Variants in SYNJ2 observed in about 807,000 individuals in gnomAD.
SYNJ2 encodes polyphosphatidylinositol phosphatase SYNJ2.
A neutral mutation model predicts 141.3 loss-of-function variants in SYNJ2; 116 were observed. The ratio of observed to expected loss-of-function variants is 0.82; its 90% CI spans 0.71 to 0.96. The LOEUF (loss-of-function observed/expected upper bound fraction) is 0.96, where lower values mean the gene tolerates loss of function less well. SYNJ2 is among the 40% of genes least tolerant of loss of function. The pLI is 0.00. For synonymous variants in SYNJ2, 745 were observed against 777.7 expected (o/e 0.96, Z 0.70); for missense variants, 1,873 against 1,934.8 (o/e 0.97, Z 0.60).
At chr6:158,029,066 C>A (rs1779218063) in intron 3 of SYNJ2, 40 bp downstream of exon 3, 2 of 1,605,298 alleles carry the variant, frequency 1.2e-6, no homozygotes, top group Non-Finnish European at 1.7e-6. Flanking sequence ...GGCCCTGGGT[C>A]TCCTGCAGAG....
rs745930251 is a variant in SYNJ2 at position 158,095,812 on chromosome 6, T to C, written c.3939T>C (p.Pro1313=). The C allele has an allele frequency of 6.2e-7, 1 of 1,614,076 alleles. No individual in the cohort carries two copies. Among genetic ancestry groups the C allele is most frequent in the Non-Finnish European group, 8.5e-7 (1 of 1,179,992 alleles). ...AGCCAGCATCAGACGAAGCCCCTCCTGGGGCAGGAGCCTCTGTGCCACCAC... is the reference window on the plus strand; with the variant it reads ...AGCCAGCATCAGACGAAGCCCCTCCCGGGGCAGGAGCCTCTGTGCCACCAC... ...HRKPASDEAP[P]GAGASVPPPL... Residue 1313 remains proline, a synonymous_variant, in exon 27 of 27, where the codon CCT becomes CCC. Transcript: ENST00000355585.
In SYNJ2 at chr6:158,088,696, C is replaced by T. The variant is rs745333200; in HGVS notation, c.3380C>T (p.Ser1127Phe). 5 of 1,614,072 alleles carry T rather than the reference C, an allele frequency of 3.1e-6. No individual in the cohort carries two copies. The highest frequency in any genetic ancestry group is 1.3e-5 in the African/African-American group (1 of 75,026). ...LMVKKSASDA[S>F]ISSGTHGQYS... is the part of the protein sequence containing the mutation. ...GTGAAAAAGTCGGCTTCAGATGCGTCCATCTCCTCCGGCACCCATGGACAG... is the reference window on the plus strand; with the variant it reads ...GTGAAAAAGTCGGCTTCAGATGCGTTCATCTCCTCCGGCACCCATGGACAG... The change falls in exon 24 of 27, where the codon TCC (serine) becomes TTC (phenylalanine). Residue 1127 changes from serine (S) to phenylalanine (F), a missense_variant. Physicochemically the swap from Ser to Phe is radical, Grantham distance 155 (BLOSUM62 -2). Coordinates refer to ENST00000355585, the MANE Select transcript of SYNJ2 (RefSeq NM_003898.4).
In SYNJ2 at chr6:158,028,762, C is replaced by T. The variant is rs773902545; in HGVS notation, c.221C>T (p.Thr74Met). The change falls in exon 3 of 27, where the codon ACG becomes ATG. Residue 74 changes from threonine to methionine, a missense_variant. Transcript: ENST00000355585. ...TGTCTGATTTCCTTTCCAGGTGGCACGTCTCTGAGCTTCCTGGTGTTGGTG... is the reference window on the plus strand; with the variant it reads ...TGTCTGATTTCCTTTCCAGGTGGCATGTCTCTGAGCTTCCTGGTGTTGGTG... ...LGELRLKSGG[T>M]SLSFLVLVTG... 1.9e-5 allele frequency: 30 copies of T among 1,613,666 alleles called. No individual in the cohort carries two copies. Among genetic ancestry groups the T allele is most frequent in the Admixed American group, 1.0e-4 (6 of 60,012 alleles).
At chr6:158,017,365 C>A in intron 2 of SYNJ2, 75 bp downstream of exon 2, 1 of 1,452,802 alleles carries the variant, frequency 6.9e-7, no homozygotes, top group Non-Finnish European at 9.1e-7. Context: ...GAAGGGGCCT[C>A]AGTGCAGGCA....
At position 158,095,877 on chromosome 6, in the gene SYNJ2, G is replaced by A. The variant is rs1468738115; in HGVS notation, c.4004G>A (p.Arg1335Lys). The change falls in exon 27 of 27, where the codon AGG (arginine) becomes AAG (lysine). Residue 1335 changes from arginine (R) to lysine (K), a missense_variant. Arg to Lys is a conservative substitution (Grantham distance 26). Transcript: ENST00000355585. ...CCTCTTGTGCCCAAGGTACCCCCGAGGAGGAAGAAGTCAGCCCCCGCAGCC... is the reference window on the plus strand; with the variant it reads ...CCTCTTGTGCCCAAGGTACCCCCGAAGAGGAAGAAGTCAGCCCCCGCAGCC... ...APPLVPKVPP[R>K]RKKSAPAAFH... 1 of 1,614,116 alleles carries A rather than the reference G, an allele frequency of 6.2e-7. No individual in the cohort carries two copies. Among genetic ancestry groups the A allele is most frequent in the Admixed American group, 1.7e-5 (1 of 60,028 alleles).
At chr6:158,026,019 G>T (rs1476388543) in intron 2 of SYNJ2, among the ~76,000 whole-genome samples, 1 of 140,962 alleles carries the variant, frequency 7.1e-6, no homozygotes, top group Non-Finnish European at 1.6e-5. Flanking sequence ...ATACATACAG[G>T]GTACAGCAAA....
chr6:158,052,331 GTTA>G (rs756091696), intron 5 of SYNJ2, among the ~76,000 whole-genome samples: 33 of 152,170 alleles, frequency 2.2e-4, no homozygotes, highest in Non-Finnish European at 4.7e-4. Context: ...TGCCACACAC[GTTA>G]TTATTTTTTG....
In SYNJ2 at chr6:158,017,305, G is replaced by A. The variant is rs764896252; in HGVS notation, c.214+15G>A. ...GCTGAAATCTGGTGAGTAGCCGCTC[G>A]CTGGAGGAGCAGGCGCCAGGCTCCC... is the stretch of plus-strand genomic sequence containing the variant. On this transcript the variant is annotated intron_variant, in intron 2 of 26. Transcript: ENST00000355585. 159 of 1,606,340 alleles carry A rather than the reference G, an allele frequency of 9.9e-5. 2 individuals carry two copies. The East Asian group carries it at 3.1e-3, about 31-fold the overall frequency.
chr6:158,000,655 C>T lies in SYNJ2; in HGVS notation c.128-16549C>T, dbSNP rs144196719. Reference sequence around the variant, plus strand: ...TTTTAGTAAGTTGATCAACTCTCCCCGCCGACCCCCTAGCCTTCTGGAACT... The same window carrying T: ...TTTTAGTAAGTTGATCAACTCTCCCTGCCGACCCCCTAGCCTTCTGGAACT... On this transcript the variant is annotated intron_variant, in intron 1 of 26. Transcript: ENST00000355585. Among the ~76,000 whole-genome samples the T allele has an allele frequency of 2.9e-3, 436 of 152,206 alleles. 2 individuals carry two copies. The highest frequency in any genetic ancestry group is 3.5e-3 in the Non-Finnish European group (236 of 68,000).
At chr6:158,035,556 A>T (rs1779593411) in intron 4 of SYNJ2, among the ~76,000 whole-genome samples, 1 of 152,184 alleles carries the variant, frequency 6.6e-6, no homozygotes, top group Non-Finnish European at 1.5e-5. Flanking sequence ...TTTTGGGCTG[A>T]GACTGTGGTG....
chr6:158,037,924 C>G (rs926155500), intron 4 of SYNJ2, among the ~76,000 whole-genome samples: 1 of 152,256 alleles, frequency 6.6e-6, no homozygotes, highest in Non-Finnish European at 1.5e-5. Context: ...TACAGACCAA[C>G]AAGCCCTACC....
Position 158,065,210 on chromosome 6 carries a change from T to G in SYNJ2, c.1525+219T>G, listed in dbSNP as rs1781492565. Reference sequence around the variant, plus strand: ...TCCTCTGTCTCGGCTTGGACTGTGTTTCCATCCTGAGAAGCGAGAGACACC... The same window carrying G: ...TCCTCTGTCTCGGCTTGGACTGTGTGTCCATCCTGAGAAGCGAGAGACACC... On this transcript the variant is annotated intron_variant, in intron 11 of 26. Transcript: ENST00000355585. 1.3e-5 allele frequency among the ~76,000 whole-genome samples: 2 copies of G among 152,200 alleles called. 1 individual carries two copies. The highest frequency in any genetic ancestry group is 4.1e-4 in the South Asian group (2 of 4,838).
rs1228608030 is a variant in SYNJ2, at chr6:158,040,179, G to A, written c.712-3137G>A. On this transcript the variant is annotated intron_variant, in intron 4 of 26. Transcript: ENST00000355585. The surrounding 1 kb of genome is among the most constrained non-coding windows in gnomAD (Gnocchi z 4.2). ...GCAGGCTGTGTGTGTGTGTGCATGG[G>A]TTGTATGTGTACAGTGTGTGCGTGG... 2.0e-5 allele frequency among the ~76,000 whole-genome samples: 3 copies of A among 152,146 alleles called. No homozygotes were observed. The highest frequency in any genetic ancestry group is 7.2e-5 in the African/African-American group (3 of 41,422).
intron 3 of SYNJ2, chr6:158,029,270 C>T: frequency 2.3e-6 from 1 of 429,532 alleles, no homozygotes; most frequent in African/African-American, 2.0e-5. Context: ...AAACCTGCGC[C>T]AGGCATGGTG....
Position 158,096,352 on chromosome 6 carries a change from G to T in SYNJ2, c.4479G>T (p.Leu1493=). Residue 1493 remains leucine (L), a synonymous_variant, in exon 27 of 27, where the codon CTG becomes CTT. Coordinates refer to ENST00000355585, the MANE Select transcript of SYNJ2 (RefSeq NM_003898.4). ...CAGCACTGCAGGTGTTTGACCCACT[G>T]GCAAAAACATGACTGAGCAGCTTTG... ...KRTALQVFDP[L]AKT 2 of 1,604,102 alleles carry T rather than the reference G, an allele frequency of 1.2e-6. No homozygotes were observed. Among genetic ancestry groups the T allele is most frequent in the South Asian group, 2.2e-5 (2 of 89,408 alleles).
intron 5 of SYNJ2, among the ~76,000 whole-genome samples, chr6:158,053,133 A>G (rs1780660525): frequency 6.6e-6 from 1 of 152,170 alleles, no homozygotes; most frequent in African/African-American, 2.4e-5. Context: ...CAGTGTATGG[A>G]TCCCTGACCA....
At chr6:158,031,987 C>T (rs1331421416) in intron 3 of SYNJ2, among the ~76,000 whole-genome samples, 3 of 152,158 alleles carry the variant, frequency 2.0e-5, no homozygotes, top group East Asian at 1.9e-4. Context: ...ATATGTGTTT[C>T]GGAAGCTGGC....
At chr6:158,036,373 C>T (rs556977761) in intron 4 of SYNJ2, among the ~76,000 whole-genome samples, 1 of 152,280 alleles carries the variant, frequency 6.6e-6, no homozygotes, top group Non-Finnish European at 1.5e-5. Context: ...CCTGAATGTC[C>T]ATCAGTGGTA....
At position 157,982,226 on chromosome 6, in the gene SYNJ2, G is replaced by T. The variant is rs1470817489; in HGVS notation, c.127+138G>T. 1.7e-6 allele frequency: 2 copies of T among 1,149,748 alleles called. No homozygotes were observed. The highest frequency in any genetic ancestry group is 6.5e-5 in the East Asian group (2 of 30,792). 71.2% of individuals were successfully genotyped at this position (1,149,748 alleles called of 1,614,324 possible). A position where few individuals can be genotyped will look rare whatever the true frequency, so the allele number is the denominator to read the frequency against. ...CCGGGGCGTAGGGGTCGCGCGCAGAGGGGTGGCTGTTTGAATGAAGTGGGG... is the reference window on the plus strand; with the variant it reads ...CCGGGGCGTAGGGGTCGCGCGCAGATGGGTGGCTGTTTGAATGAAGTGGGG... On this transcript the variant is annotated intron_variant, in intron 1 of 26. Transcript: ENST00000355585. This position sits in a 1 kb window ranked among gnomAD's most constrained non-coding sequence, Gnocchi z 4.0.
Sources: allele counts gnomAD v4.1 joint callset (sites outside exome capture counted in the v4.1 genomes callset), GRCh38; gene constraint gnomAD v4.1.1; non-coding constraint Gnocchi (gnomAD v3.1); transcripts MANE v1.5; gene names NCBI Gene and HGNC (gene_info 2026-07-23, HGNC 2026-07-21).